STYXL1: variants seen among roughly 807,000 people sequenced by gnomAD.
The protein encoded by STYXL1 is serine/threonine/tyrosine interacting like 1, also known as serine/threonine/tyrosine-interacting-like protein 1.
A neutral mutation model predicts 36.4 loss-of-function variants in STYXL1; 32 were observed. The ratio of observed to expected loss-of-function variants is 0.88; its 90% CI spans 0.66 to 1.18. The LOEUF (loss-of-function observed/expected upper bound fraction) is 1.18, where lower values mean the gene tolerates loss of function less well. Ranked by LOEUF, STYXL1 falls within the 50% of genes most tolerant of loss-of-function variation. STYXL1 has a pLI of 0.00. For missense variants in STYXL1, 354 were observed against 394.1 expected (o/e 0.90, Z 0.86); for synonymous variants, 133 against 144.1 (o/e 0.92, Z 0.55).
intron 1 of STYXL1, among the ~76,000 whole-genome samples, chr7:76,032,413 AAG>A (rs1491067781): frequency 8.7e-5 from 13 of 149,750 alleles, no homozygotes; most frequent in African/African-American, 2.2e-4. Flanking sequence ...AAAAAAAAAA[AAG>A]AAGGAGGAGG....
intron 7 of STYXL1, among the ~76,000 whole-genome samples, chr7:76,002,319 G>A (rs1791058507): frequency 6.6e-6 from 1 of 152,182 alleles, no homozygotes; most frequent in South Asian, 2.1e-4. Context: ...CCAGGGAGAG[G>A]AAATCTAAGC....
intron 1 of STYXL1, among the ~76,000 whole-genome samples, chr7:76,046,274 C>CTTTGTGTG (rs1451331977): frequency 5.8e-5 from 6 of 103,164 alleles, no homozygotes; most frequent in East Asian, 3.0e-4. Flanking sequence ...AGCTTATCTG[C>CTTTGTGTG]TGTGTGTGTG....
chr7:76,009,594 A>G (rs1792300853), intron 5 of STYXL1, among the ~76,000 whole-genome samples: 1 of 152,144 alleles, frequency 6.6e-6, no homozygotes, highest in Admixed American at 6.5e-5. Flanking sequence ...TATTTTTAGT[A>G]GAGATGGGGT....
At chr7:76,014,677 T>C (rs1554573348) in intron 4 of STYXL1, among the ~76,000 whole-genome samples, 1 of 152,008 alleles carries the variant, frequency 6.6e-6, no homozygotes, top group Non-Finnish European at 1.5e-5. Flanking sequence ...CTCTGAGATA[T>C]ATGTATTGTA....
chr7:76,027,863 G>A, intron 3 of STYXL1, among the ~76,000 whole-genome samples: 1 of 151,784 alleles, frequency 6.6e-6, no homozygotes, highest in South Asian at 2.1e-4. Flanking sequence ...CAGCGCTTTG[G>A]GAGGCTAAGG....
At chr7:76,038,224 TTTTA>T (rs1796110155) in intron 1 of STYXL1, among the ~76,000 whole-genome samples, 1 of 148,156 alleles carries the variant, frequency 6.7e-6, no homozygotes, top group Non-Finnish European at 1.5e-5. Context: ...CTAGCTAAGT[TTTTA>T]TTTTTTTGTA....
intron 8 of STYXL1, among the ~76,000 whole-genome samples, chr7:75,996,968 G>C (rs907405407): frequency 6.6e-6 from 1 of 152,254 alleles, no homozygotes; most frequent in Non-Finnish European, 1.5e-5. Context: ...GAAAGAGGAA[G>C]AGAACTGTGG....
Position 76,005,298 on chromosome 7 carries a change from A to T in STYXL1, c.560T>A (p.Ile187Asn). The change falls in exon 6 of 9, where the codon ATC becomes AAC. Residue 187 changes from isoleucine (I) to asparagine (N), a missense_variant. Ile to Asn is a moderately radical substitution (Grantham distance 149). Transcript: ENST00000359697. ...CDPKIQKDLKIKAHVNVSMDT... is the reference protein window; with the variant it reads ...CDPKIQKDLKNKAHVNVSMDT... ...CATGGAGACATTGACATGGGCTTTG[A>T]TTTTCAAGTCCTTCTGAATCTTGGG... The T allele has an allele frequency of 6.2e-7, 1 of 1,611,534 alleles. No individual in the cohort carries two copies. The highest frequency in any genetic ancestry group is 2.2e-5 in the East Asian group (1 of 44,870).
chr7:76,035,410 T>C (rs1277372511), intron 1 of STYXL1, among the ~76,000 whole-genome samples: 1 of 134,380 alleles, frequency 7.4e-6, no homozygotes, highest in Non-Finnish European at 1.7e-5. Context: ...AGGTCTTGCC[T>C]GTCTTGTCCA....
At chr7:76,021,776 G>T in intron 4 of STYXL1, 75 bp downstream of exon 4, 1 of 1,105,538 alleles carries the variant, frequency 9.0e-7, no homozygotes, top group South Asian at 1.3e-5. Context: ...ATGGGCATAT[G>T]AACCTGTTGG....
chr7:76,000,885 C>G lies in STYXL1; in HGVS notation c.810+5G>C, dbSNP rs1554566890. Reference sequence around the variant, plus strand: ...TGGTGCGAGCCTGGCCCGGGGAACGCATACCTGCAAGGTCTGCTCGTTACT... The same window carrying G: ...TGGTGCGAGCCTGGCCCGGGGAACGGATACCTGCAAGGTCTGCTCGTTACT... On this transcript the variant is annotated splice_donor_5th_base_variant and intron_variant, in intron 8 of 8. Transcript: ENST00000359697. 1 of 1,613,330 alleles carries G rather than the reference C, an allele frequency of 6.2e-7. No homozygotes were observed. The highest frequency in any genetic ancestry group is 1.3e-5 in the African/African-American group (1 of 75,050).
chr7:76,044,003 T>C (rs539473067), intron 1 of STYXL1: 2 of 152,326 alleles, frequency 1.3e-5, no homozygotes, highest in African/African-American at 4.8e-5. Flanking sequence ...TTCTTGACTG[T>C]GGAAACCCTG....
chr7:76,017,866 C>CAAAAAAAAAAAAAAAA lies in STYXL1; in HGVS notation c.308-3980_308-3979insTTTTTTTTTTTTTTTT, dbSNP rs71082374. 8.0e-3 allele frequency among the ~76,000 whole-genome samples: 83 copies of CAAAAAAAAAAAAAAAA among 10,332 alleles called. 25 individuals carry two copies. The highest frequency in any genetic ancestry group is 0.012 in the African/African-American group (56 of 4,574). The allele number at this position is 10,332 out of a possible 152,430, so 6.8% of individuals were successfully genotyped here. ...GGGCAACAAGAGCAAAACTCCATCT[C>CAAAAAAAAAAAAAAAA]AAAAAAAAAAAAAAAGGCAAGACAG... On this transcript the variant is annotated intron_variant, in intron 4 of 8. Coordinates refer to ENST00000359697, the MANE Select transcript of STYXL1 (RefSeq NM_001317785.2).
chr7:76,046,318 GT>G (rs1797018948), intron 1 of STYXL1, among the ~76,000 whole-genome samples: 1 of 59,098 alleles, frequency 1.7e-5, no homozygotes, highest in Non-Finnish European at 3.7e-5. Context: ...GTGTGTGTGT[GT>G]GTGTGTGTGT....
intron 5 of STYXL1, among the ~76,000 whole-genome samples, chr7:76,006,763 CA>C (rs67192620): frequency 0.86 from 112,102 of 129,942 alleles, 47,759 homozygotes; most frequent in Non-Finnish European, 0.88. Context: ...GACTCCGTCT[CA>C]AAAAAAAAAA....
At chr7:75,997,240 T>C (rs1223072688) in intron 8 of STYXL1, among the ~76,000 whole-genome samples, 2 of 152,156 alleles carry the variant, frequency 1.3e-5, no homozygotes, top group African/African-American at 2.4e-5. Flanking sequence ...GAGACTAGCC[T>C]GGCCAATGTG....
At chr7:76,005,465 T>G in intron 5 of STYXL1, 61 bp from the exon 6 acceptor site, 1 of 1,493,086 alleles carries the variant, frequency 6.7e-7, no homozygotes, top group South Asian at 1.3e-5. Context: ...GGGATGTCTA[T>G]CTCTTGAAAC....
intron 3 of STYXL1, among the ~76,000 whole-genome samples, chr7:76,026,931 C>T (rs558076667): frequency 6.6e-6 from 1 of 152,098 alleles, no homozygotes; most frequent in Non-Finnish European, 1.5e-5. Context: ...TGTGGTGGCG[C>T]ACGCCTGTAA....
In STYXL1 at chr7:75,996,612, A is replaced by G; in HGVS notation, c.811-13T>C. ...AGGCCCAGGACCTCTATGAATACAA[A>G]GAGAGAAAGTGAACTTCACGATTGG... is the stretch of plus-strand genomic sequence containing the variant. On this transcript the variant is annotated splice_polypyrimidine_tract_variant and intron_variant, in intron 8 of 8. Transcript: ENST00000359697. 6 of 1,613,674 alleles carry G rather than the reference A, an allele frequency of 3.7e-6. No individual in the cohort carries two copies. The highest frequency in any genetic ancestry group is 1.1e-5 in the South Asian group (1 of 91,082).
Sources: gnomAD v4.1 joint callset for allele counts (sites outside exome capture counted in the v4.1 genomes callset) on GRCh38, gnomAD v4.1.1 for gene constraint, MANE v1.5 for transcripts, NCBI Gene and HGNC (gene_info 2026-07-23, HGNC 2026-07-21) for gene names.